PDE4D: variants seen among roughly 807,000 people sequenced by gnomAD.
PDE4D encodes 3',5'-cyclic-AMP phosphodiesterase 4D.
A neutral mutation model predicts 87.4 loss-of-function variants in PDE4D; 24 were observed. The ratio of observed to expected loss-of-function variants is 0.27; its 90% CI spans 0.20 to 0.39. The LOEUF (loss-of-function observed/expected upper bound fraction) is 0.39, where lower values mean the gene tolerates loss of function less well. Among genes scored for constraint, PDE4D ranks in the 10% least tolerant of loss-of-function variants. The pLI is 1.00. For synonymous variants in PDE4D, 384 were observed against 383.2 expected, an observed-to-expected ratio of 1.00 and a Z score of -0.02; for missense variants, 714 against 1,041.0, an observed-to-expected ratio of 0.69 and a Z score of 4.32.
intron 1 of PDE4D, among the ~76,000 whole-genome samples, chr5:59,330,529 C>T (rs61185892): frequency 2.2e-4 from 33 of 152,138 alleles, no homozygotes; most frequent in African/African-American, 6.0e-4. Context: ...TCTAATCTCA[C>T]GTATTCACAC....
chr5:59,328,681 C>T (rs190675157), intron 1 of PDE4D, among the ~76,000 whole-genome samples: 6 of 152,076 alleles, frequency 3.9e-5, no homozygotes, highest in Non-Finnish European at 7.4e-5. Flanking sequence ...TCCTCAGGTA[C>T]TGAAATAATG....
intron 1 of PDE4D, among the ~76,000 whole-genome samples, chr5:60,253,433 C>A (rs542364178): frequency 9.9e-5 from 15 of 151,786 alleles, no homozygotes; most frequent in African/African-American, 3.6e-4. Flanking sequence ...ACAGAACAGG[C>A]CACTTCTCTT....
chr5:60,379,890 T>C (rs1314916430), intron 1 of PDE4D, among the ~76,000 whole-genome samples: 1 of 152,192 alleles, frequency 6.6e-6, no homozygotes, highest in Non-Finnish European at 1.5e-5. Context: ...GGGACAATAC[T>C]TCTTCTTACA....
At chr5:59,430,673 G>T (rs79022165) in intron 1 of PDE4D, 258 of 279,322 alleles carry the variant, frequency 9.2e-4, no homozygotes, top group Non-Finnish European at 1.3e-3. Context: ...ACCAATTATT[G>T]GCTGAGTAGA....
rs555935567 is a variant in PDE4D at position 59,494,550 on chromosome 5, T to C, written c.456-278582A>G. ...ACAAAAGTGAGACATCAGGAGAAAG[T>C]TGAACTGTTAGTCATAACTTTCATT... On this transcript the variant is annotated intron_variant, in intron 1 of 14. Transcript: ENST00000340635. Among the ~76,000 whole-genome samples, 3 of 152,356 alleles carry C rather than the reference T, an allele frequency of 2.0e-5. No homozygotes were observed. In the South Asian group the frequency reaches 6.2e-4, roughly 32 times the overall value.
At chr5:60,293,250 G>A (rs1753065796) in intron 1 of PDE4D, among the ~76,000 whole-genome samples, 1 of 151,918 alleles carries the variant, frequency 6.6e-6, no homozygotes, top group South Asian at 2.1e-4. Context: ...GATGTAACGC[G>A]GCCGGGCACT....
At chr5:60,388,337 C>A (rs1392728679) in intron 1 of PDE4D, among the ~76,000 whole-genome samples, 1 of 152,026 alleles carries the variant, frequency 6.6e-6, no homozygotes, top group Non-Finnish European at 1.5e-5. Flanking sequence ...AGGTATAGAG[C>A]AGGACTCTTT....
intron 1 of PDE4D, chr5:60,460,391 G>T: frequency 9.7e-7 from 1 of 1,036,036 alleles, no homozygotes; most frequent in Non-Finnish European, 1.5e-6. Flanking sequence ...CTCAAATAAT[G>T]CAGTGCCTCT....
chr5:59,304,187 T>C (rs1168338129), intron 1 of PDE4D, among the ~76,000 whole-genome samples: 1 of 152,104 alleles, frequency 6.6e-6, no homozygotes, highest in Admixed American at 6.6e-5. Context: ...CTTGATTTGA[T>C]TCTCCCCTTG....
intron 1 of PDE4D, among the ~76,000 whole-genome samples, chr5:59,832,868 A>C (rs982097076): frequency 5.9e-5 from 9 of 152,076 alleles, no homozygotes; most frequent in African/African-American, 1.9e-4. Context: ...AAAAGCTTTA[A>C]TTTCAAGGAA....
intron 1 of PDE4D, among the ~76,000 whole-genome samples, chr5:59,287,217 C>G (rs915353158): frequency 1.3e-5 from 2 of 152,146 alleles, no homozygotes; most frequent in Non-Finnish European, 2.9e-5. Flanking sequence ...TGGCAGCATT[C>G]ACCACAAGCT....
intron 1 of PDE4D, among the ~76,000 whole-genome samples, chr5:59,407,459 G>T (rs1791901172): frequency 6.6e-6 from 1 of 152,156 alleles, no homozygotes; most frequent in Non-Finnish European, 1.5e-5. Flanking sequence ...ATAGAAGACT[G>T]GTACCAAGGA....
intron 1 of PDE4D, among the ~76,000 whole-genome samples, chr5:60,252,611 G>A (rs1216461933): frequency 1.3e-5 from 2 of 151,496 alleles, no homozygotes; most frequent in Non-Finnish European, 2.9e-5. Flanking sequence ...ATAATGAGAC[G>A]GATAGAAATG....
At chr5:60,360,861 C>T (rs75560955) in intron 1 of PDE4D, among the ~76,000 whole-genome samples, 5,778 of 152,284 alleles carry the variant, frequency 0.038, 146 homozygotes, top group East Asian at 0.12. Context: ...AGCTTCACAA[C>T]GCAGTCTTCA....
intron 1 of PDE4D, among the ~76,000 whole-genome samples, chr5:59,851,159 T>G (rs1398422736): frequency 6.6e-6 from 1 of 151,972 alleles, no homozygotes; most frequent in African/African-American, 2.4e-5. Flanking sequence ...GCGGAAGAAA[T>G]GAGACCTGCC....
At chr5:60,202,798 G>A (rs1441519320) in intron 1 of PDE4D, among the ~76,000 whole-genome samples, 3 of 151,930 alleles carry the variant, frequency 2.0e-5, no homozygotes, top group East Asian at 1.9e-4. Context: ...ACAGTTTTGA[G>A]GCACTCATTT....
chr5:59,764,751 G>T (rs180845189), intron 1 of PDE4D, among the ~76,000 whole-genome samples: 1 of 146,850 alleles, frequency 6.8e-6, no homozygotes, highest in African/African-American at 2.6e-5. Context: ...CGCCTCCTGA[G>T]TTCAAGTGAT....
At chr5:60,005,251 G>T (rs1262502285) in intron 2 of PDE4D, among the ~76,000 whole-genome samples, 1 of 152,100 alleles carries the variant, frequency 6.6e-6, no homozygotes, top group Non-Finnish European at 1.5e-5. Flanking sequence ...ATCTAACATA[G>T]TTGAACTCAT....
At chr5:59,006,219 T>G (rs1468478054) in intron 6 of PDE4D, among the ~76,000 whole-genome samples, 1 of 152,220 alleles carries the variant, frequency 6.6e-6, no homozygotes, top group Non-Finnish European at 1.5e-5. Context: ...TGCTCTCAAA[T>G]GCCCAAATGA....
Sources: allele counts gnomAD v4.1 joint callset (sites outside exome capture counted in the v4.1 genomes callset), GRCh38; gene constraint gnomAD v4.1.1; transcripts MANE v1.5; gene names NCBI Gene and HGNC (gene_info 2026-07-23, HGNC 2026-07-21).